The following RGS6 variants were observed in gnomAD, a reference collection of about 807,000 sequenced individuals.
The protein encoded by RGS6 is regulator of G-protein signaling 6.
Under a neutral mutation model 78.5 loss-of-function variants are expected in RGS6, and 30 were observed. The ratio of observed to expected loss-of-function variants is 0.38; its 90% CI spans 0.29 to 0.52. The LOEUF (loss-of-function observed/expected upper bound fraction) is 0.52, where lower values mean the gene tolerates loss of function less well. Among genes scored for constraint, RGS6 ranks in the 20% least tolerant of loss-of-function variants. The pLI, the probability that RGS6 is intolerant of heterozygous loss-of-function variation, is 0.85. For synonymous variants in RGS6, 206 were observed against 206.0 expected (o/e 1.00, Z 0.00); for missense variants, 495 against 609.7 (o/e 0.81, Z 1.98).
chr14:72,608,676 A>G, the RGS6 span, among the ~76,000 whole-genome samples: 6 of 152,298 alleles, frequency 3.9e-5, no homozygotes, highest in East Asian at 1.2e-3. Flanking sequence ...ACTCCTGCAG[A>G]TGAAGCTCTC....
At chr14:72,154,784 G>GC (rs1166941471) in intron 2 of RGS6, among the ~76,000 whole-genome samples, 1 of 152,060 alleles carries the variant, frequency 6.6e-6, no homozygotes, top group Non-Finnish European at 1.5e-5. Context: ...TGCTCTGATT[G>GC]CCGTTTTCCC....
chr14:71,978,807 C>G (rs1415954361), intron 2 of RGS6, among the ~76,000 whole-genome samples: 1 of 151,846 alleles, frequency 6.6e-6, no homozygotes, highest in Non-Finnish European at 1.5e-5. Flanking sequence ...TCCCTCTTTT[C>G]CTATTGATTG....
chr14:72,083,012 A>G (rs571442795), intron 2 of RGS6, among the ~76,000 whole-genome samples: 1 of 152,314 alleles, frequency 6.6e-6, no homozygotes, highest in South Asian at 2.1e-4. Context: ...AGGTGTACTT[A>G]CACCTGTGTA....
intron 3 of RGS6, among the ~76,000 whole-genome samples, chr14:72,356,244 C>T (rs1043364984): frequency 2.0e-5 from 3 of 152,052 alleles, no homozygotes; most frequent in South Asian, 2.1e-4. Flanking sequence ...AAGGTTCTCC[C>T]GTGCTGTTCT....
At chr14:72,000,077 G>A (rs1204356574) in intron 2 of RGS6, among the ~76,000 whole-genome samples, 4 of 152,142 alleles carry the variant, frequency 2.6e-5, no homozygotes, top group East Asian at 1.9e-4. Flanking sequence ...TTAGGAATCC[G>A]AACTTGGAAA....
intron 2 of RGS6, among the ~76,000 whole-genome samples, chr14:72,136,778 A>G (rs1281104558): frequency 6.6e-6 from 1 of 152,194 alleles, no homozygotes; most frequent in Non-Finnish European, 1.5e-5. Context: ...GAGCTTTTTT[A>G]GGGAAGTGGT....
rs369729674 is a variant in RGS6, at chr14:72,025,834, G to A, written c.84+60959G>A. Among the ~76,000 whole-genome samples the A allele has an allele frequency of 3.3e-5, 5 of 152,120 alleles. No homozygotes were observed. The East Asian group carries it at 5.8e-4, about 18-fold the overall frequency. ...TTAGGAAGACCCAAAGCTAGTTGAT[G>A]TCAGAGCCAAGATCCAAAGCCCATG... On this transcript the variant is annotated intron_variant, in intron 2 of 17. Transcript: ENST00000553525.
At chr14:71,892,180 A>G in the RGS6 span, among the ~76,000 whole-genome samples, 54,547 of 152,018 alleles carry the variant, frequency 0.36, 11,098 homozygotes, top group South Asian at 0.48. Context: ...ACAAAACACT[A>G]CAGGCAGTTT....
At chr14:72,181,454 T>G (rs138700410) in intron 2 of RGS6, among the ~76,000 whole-genome samples, 46 of 152,362 alleles carry the variant, frequency 3.0e-4, no homozygotes, top group Admixed American at 6.5e-4. Flanking sequence ...AGCAAATTGC[T>G]TGTTACTTAA....
At chr14:72,613,039 T>TGCGTGCACGCACGC in the RGS6 span, among the ~76,000 whole-genome samples, 1 of 151,218 alleles carries the variant, frequency 6.6e-6, no homozygotes, top group South Asian at 2.1e-4. Flanking sequence ...TGTATGTGCG[T>TGCGTGCACGCACGC]GCGTGCACGC....
intron 3 of RGS6, 132 bp from the exon 4 acceptor site, chr14:72,454,396 A>G: frequency 1.1e-6 from 1 of 877,732 alleles, no homozygotes; most frequent in Non-Finnish European, 1.9e-6. Flanking sequence ...TAGGACAAAA[A>G]AAAGTGCCCA....
At chr14:72,328,680 C>T (rs1055540369) in intron 2 of RGS6, among the ~76,000 whole-genome samples, 13 of 152,162 alleles carry the variant, frequency 8.5e-5, no homozygotes, top group African/African-American at 3.1e-4. Context: ...TCCCATTCTA[C>T]GTACCCCAAA....
rs188345075 is a variant in RGS6 at position 72,228,253 on chromosome 14, C to T, written c.85-123842C>T. Among the ~76,000 whole-genome samples the T allele has an allele frequency of 4.3e-3, 646 of 151,840 alleles. 5 individuals carry two copies. Among genetic ancestry groups the T allele is most frequent in the African/African-American group, 0.015 (623 of 41,486 alleles). ...AAAATTAGCCCTGCATTGTGGCGGG[C>T]GCCTGTAGTCCTAGCTACTTGGGAG... On this transcript the variant is annotated intron_variant, in intron 2 of 17. Coordinates refer to ENST00000553525, the MANE Select transcript of RGS6 (RefSeq NM_001204424.2).
chr14:71,974,965 C>A (rs1595492063), intron 2 of RGS6, among the ~76,000 whole-genome samples: 1 of 152,114 alleles, frequency 6.6e-6, no homozygotes, highest in Non-Finnish European at 1.5e-5. Flanking sequence ...CATAGGGAGA[C>A]AACATCTCTA....
chr14:72,042,075 G>C (rs2092452492), intron 2 of RGS6, among the ~76,000 whole-genome samples: 1 of 151,140 alleles, frequency 6.6e-6, no homozygotes, highest in South Asian at 2.1e-4. Context: ...CTACTTTCAG[G>C]GTATTAATAC....
intron 3 of RGS6, among the ~76,000 whole-genome samples, chr14:72,395,170 C>A (rs1051124232): frequency 6.6e-6 from 1 of 151,906 alleles, no homozygotes; most frequent in African/African-American, 2.4e-5. Flanking sequence ...CTGTGAAGAC[C>A]ACGAGTACTC....
intron 2 of RGS6, among the ~76,000 whole-genome samples, chr14:71,987,724 C>G (rs2094778989): frequency 6.6e-6 from 1 of 151,998 alleles, no homozygotes; most frequent in East Asian, 1.9e-4. Context: ...TCTCACTGTG[C>G]TGCCCAGGCT....
chr14:72,134,251 G>A (rs1195299043), intron 2 of RGS6, among the ~76,000 whole-genome samples: 1 of 152,122 alleles, frequency 6.6e-6, no homozygotes, highest in Non-Finnish European at 1.5e-5. Context: ...GGAAGAAGAG[G>A]TATTCCTATA....
At chr14:72,297,538 A>G (rs1438619730) in intron 2 of RGS6, among the ~76,000 whole-genome samples, 2 of 149,452 alleles carry the variant, frequency 1.3e-5, no homozygotes, top group Admixed American at 6.7e-5. Flanking sequence ...CTCGTCATCT[A>G]GCCTTAGGTA....
Sources: gnomAD v4.1 joint callset for allele counts (sites outside exome capture counted in the v4.1 genomes callset) on GRCh38, gnomAD v4.1.1 for gene constraint, MANE v1.5 for transcripts, NCBI Gene and HGNC (gene_info 2026-07-23, HGNC 2026-07-21) for gene names.